SENP7: variants seen among roughly 807,000 people sequenced by gnomAD.
SENP7 encodes the protein sentrin-specific protease 7.
In SENP7, 64 loss-of-function variants were observed where a neutral mutation model predicts 141.2. The ratio of observed to expected loss-of-function variants is 0.45; its 90% CI spans 0.37 to 0.56. The LOEUF (loss-of-function observed/expected upper bound fraction) is 0.56. Ranked by LOEUF, SENP7 falls within the 20% of genes least tolerant of loss-of-function variation. The probability of loss-of-function intolerance (pLI) is 0.00; values close to 1 mark genes in which losing one functional copy is unlikely to be tolerated. For missense variants in SENP7, 1,025 were observed against 1,212.2 expected, an observed-to-expected ratio of 0.85 and a Z score of 2.29; for synonymous variants, 382 against 426.4, an observed-to-expected ratio of 0.90 and a Z score of 1.28.
intron 3 of SENP7, among the ~76,000 whole-genome samples, chr3:101,479,960 A>G (rs1434419529): frequency 2.0e-5 from 3 of 150,342 alleles, no homozygotes; most frequent in African/African-American, 7.3e-5. Flanking sequence ...AACTAGGAAT[A>G]AATTTAACCA....
intron 5 of SENP7, among the ~76,000 whole-genome samples, chr3:101,399,382 T>C (rs933990316): frequency 2.0e-5 from 3 of 152,224 alleles, no homozygotes; most frequent in Non-Finnish European, 4.4e-5. Flanking sequence ...CCAGAAATTA[T>C]TAAAAACACA....
intron 6 of SENP7, among the ~76,000 whole-genome samples, chr3:101,387,842 A>G (rs983636602): frequency 1.3e-5 from 2 of 152,212 alleles, no homozygotes; most frequent in Non-Finnish European, 2.9e-5. Context: ...ACTGCCAATG[A>G]GCACATGTAT....
chr3:101,460,608 A>ATG (rs2063514956), intron 3 of SENP7, among the ~76,000 whole-genome samples: 1 of 152,202 alleles, frequency 6.6e-6, no homozygotes, highest in Non-Finnish European at 1.5e-5. Context: ...AGAAAAAAAA[A>ATG]CACAGCAGTA....
chr3:101,411,819 T>C (rs1420282229), intron 5 of SENP7, among the ~76,000 whole-genome samples: 4 of 152,218 alleles, frequency 2.6e-5, no homozygotes, highest in Non-Finnish European at 4.4e-5. Flanking sequence ...ATTTATTTAA[T>C]TTTATTTACT....
At chr3:101,369,702 C>T (rs1249871962) in intron 7 of SENP7, among the ~76,000 whole-genome samples, 1 of 152,034 alleles carries the variant, frequency 6.6e-6, no homozygotes, top group Admixed American at 6.6e-5. Flanking sequence ...AGGAAAGGGG[C>T]TTGAGAAAAA....
chr3:101,449,131 G>T (rs2063016036), intron 4 of SENP7, among the ~76,000 whole-genome samples: 1 of 152,082 alleles, frequency 6.6e-6, no homozygotes, highest in South Asian at 2.1e-4. Context: ...TATCAGTGAT[G>T]GAACATGAAA....
chr3:101,337,408 C>G, intron 17 of SENP7, 101 bp downstream of exon 17: 1 of 761,874 alleles, frequency 1.3e-6, no homozygotes, highest in South Asian at 2.3e-5. Flanking sequence ...AATGGTAGTA[C>G]TGCCTACTTG....
At chr3:101,449,135 C>G (rs1442016776) in intron 4 of SENP7, among the ~76,000 whole-genome samples, 1 of 151,916 alleles carries the variant, frequency 6.6e-6, no homozygotes, top group South Asian at 2.1e-4. Flanking sequence ...AGTGATGGAA[C>G]ATGAAATGAA....
rs1361386065 is a variant in SENP7, at chr3:101,327,715, C to T, written c.2966G>A (p.Ser989Asn). Residue 989 changes from serine (S) to asparagine (N), a missense_variant, in exon 23 of 24, where the codon AGC (serine) becomes AAC (asparagine). Ser to Asn is a conservative substitution (Grantham distance 46). This residue lies in a region of SENP7 where 295 missense variants were observed against 459.1 expected (regional missense o/e 0.64). Transcript: ENST00000394095. ...LCPKVPKQDN[S>N]SDCGVYLLQY... Reference sequence around the variant, plus strand: ...CAATAAATATACTCCACAATCACTGCTATTGTCCTGTTTAGGAACTTTAGG... The same window carrying T: ...CAATAAATATACTCCACAATCACTGTTATTGTCCTGTTTAGGAACTTTAGG... 6.2e-7 allele frequency: 1 copy of T among 1,611,512 alleles called. No homozygotes were observed. Among genetic ancestry groups the T allele is most frequent in the East Asian group, 2.2e-5 (1 of 44,756 alleles).
chr3:101,512,635 C>A (rs112711813), intron 1 of SENP7, among the ~76,000 whole-genome samples: 2,079 of 152,250 alleles, frequency 0.014, 48 homozygotes, highest in African/African-American at 0.047. Flanking sequence ...CCTTTCCTCC[C>A]CAGCAGCAGC....
intron 3 of SENP7, among the ~76,000 whole-genome samples, chr3:101,479,857 T>C (rs550546105): frequency 2.9e-5 from 1 of 33,978 alleles, no homozygotes; most frequent in African/African-American, 1.2e-4. Flanking sequence ...TAACTGAAAA[T>C]GAAATCCAGA....
rs539561244 is a variant in SENP7 at position 101,440,518 on chromosome 3, C to T, written c.284+18437G>A. ...TGCTGACCTTCCCTCCACTATTGTC[C>T]CATGACCCTGCCAAATCCCCCTCTG... On this transcript the variant is annotated intron_variant, in intron 4 of 23. Coordinates refer to ENST00000394095, the MANE Select transcript of SENP7 (RefSeq NM_020654.5). Among the ~76,000 whole-genome samples, 15 of 133,364 alleles carry T rather than the reference C, an allele frequency of 1.1e-4. 1 individual carries two copies. The highest frequency in any genetic ancestry group is 1.1e-3 in the Admixed American group (15 of 13,422). The allele number at this position is 133,364 out of a possible 152,430, so 87.5% of individuals were successfully genotyped here.
At chr3:101,471,955 C>T (rs2064015784) in intron 3 of SENP7, among the ~76,000 whole-genome samples, 2 of 152,206 alleles carry the variant, frequency 1.3e-5, no homozygotes, top group Non-Finnish European at 2.9e-5. Flanking sequence ...CAATGAGATA[C>T]CATCTCACGC....
chr3:101,511,811 G>GT (rs1167381685), intron 1 of SENP7, among the ~76,000 whole-genome samples: 121 of 149,066 alleles, frequency 8.1e-4, no homozygotes, highest in East Asian at 3.5e-3. Context: ...GGTTTTTTTT[G>GT]TTTTTTTTTT....
At chr3:101,383,082 A>G (rs72940372) in intron 6 of SENP7, among the ~76,000 whole-genome samples, 1,604 of 152,322 alleles carry the variant, frequency 0.011, 23 homozygotes, top group African/African-American at 0.036. Context: ...ACCAAATCTC[A>G]TAGTGAACTA....
intron 2 of SENP7, among the ~76,000 whole-genome samples, chr3:101,500,325 C>A (rs1159216138): frequency 6.6e-6 from 1 of 152,168 alleles, no homozygotes; most frequent in African/African-American, 2.4e-5. Context: ...GAGGCCAAGG[C>A]AGGAGGATTG....
rs149986283 is a variant in SENP7 at position 101,459,449 on chromosome 3, T to C, written c.187-397A>G. On this transcript the variant is annotated intron_variant, in intron 3 of 23. Coordinates refer to ENST00000394095, the MANE Select transcript of SENP7 (RefSeq NM_020654.5). ...AAAATTAGTTACCTAGGAACTGCCA[T>C]GTGGAAAATTTTAGGAAAGAGCCGG... 2.8e-3 allele frequency among the ~76,000 whole-genome samples: 430 copies of C among 152,304 alleles called. 1 individual carries two copies. Among genetic ancestry groups the C allele is most frequent in the African/African-American group, 9.8e-3 (409 of 41,584 alleles).
At chr3:101,423,205 T>C (rs893326398) in intron 4 of SENP7, among the ~76,000 whole-genome samples, 1 of 152,050 alleles carries the variant, frequency 6.6e-6, no homozygotes, top group African/African-American at 2.4e-5. Context: ...ATTTTTCTGG[T>C]CTTTAAAAAA....
At chr3:101,379,417 A>C (rs1214225348) in intron 6 of SENP7, among the ~76,000 whole-genome samples, 3 of 152,184 alleles carry the variant, frequency 2.0e-5, no homozygotes, top group Non-Finnish European at 4.4e-5. Flanking sequence ...CCACAGAATG[A>C]GACGAAATAT....
Sources: allele counts gnomAD v4.1 joint callset (sites outside exome capture counted in the v4.1 genomes callset), GRCh38; gene constraint gnomAD v4.1.1; regional missense constraint gnomAD v4.1.1; transcripts MANE v1.5; gene names NCBI Gene and HGNC (gene_info 2026-07-23, HGNC 2026-07-21).